MYRIP: variants seen among roughly 807,000 people sequenced by gnomAD.
The protein encoded by MYRIP is myosin VIIA and Rab interacting protein.
In MYRIP, 49 loss-of-function variants were observed where a neutral mutation model predicts 98.0. The ratio of observed to expected loss-of-function variants is 0.50; its 90% CI spans 0.40 to 0.63. The LOEUF is 0.63. MYRIP is among the 30% of genes least tolerant of loss of function. The pLI, the probability that MYRIP is intolerant of heterozygous loss-of-function variation, is 0.00. For synonymous variants in MYRIP, 404 were observed against 409.5 expected (o/e 0.99, Z 0.16); for missense variants, 1,004 against 1,058.2 (o/e 0.95, Z 0.71).
intron 4 of MYRIP, among the ~76,000 whole-genome samples, chr3:40,160,797 A>G (rs1950373148): frequency 6.6e-6 from 1 of 152,080 alleles, no homozygotes; most frequent in Non-Finnish European, 1.5e-5. Flanking sequence ...TTCTTTGACT[A>G]GGAAAGGGAA....
At chr3:40,030,576 T>A (rs540402048) in intron 2 of MYRIP, among the ~76,000 whole-genome samples, 1 of 152,256 alleles carries the variant, frequency 6.6e-6, no homozygotes, top group Admixed American at 6.5e-5. Flanking sequence ...AGAAACAATG[T>A]AAATGTTTAT....
intron 11 of MYRIP, among the ~76,000 whole-genome samples, chr3:40,230,005 C>A (rs1423341828): frequency 6.6e-6 from 1 of 152,168 alleles, no homozygotes; most frequent in Non-Finnish European, 1.5e-5. Flanking sequence ...ATTTGTATTT[C>A]TTTGCTCACT....
intron 1 of MYRIP, among the ~76,000 whole-genome samples, chr3:39,869,254 C>T (rs181942480): frequency 2.0e-5 from 3 of 152,266 alleles, no homozygotes; most frequent in Non-Finnish European, 2.9e-5. Context: ...ATTCTTTTCA[C>T]ATTCCTTTTT....
intron 4 of MYRIP, among the ~76,000 whole-genome samples, chr3:40,161,924 A>G (rs1056128964): frequency 2.6e-5 from 4 of 152,284 alleles, no homozygotes; most frequent in East Asian, 1.9e-4. Context: ...TGTGGTCACC[A>G]TGAACTGCAT....
At chr3:40,053,499 A>C (rs1465567605) in intron 3 of MYRIP, among the ~76,000 whole-genome samples, 4 of 152,218 alleles carry the variant, frequency 2.6e-5, no homozygotes, top group Admixed American at 1.3e-4. Flanking sequence ...AAATGTATCA[A>C]GAGGACTTGC....
intron 9 of MYRIP, among the ~76,000 whole-genome samples, chr3:40,184,674 G>C: frequency 6.6e-6 from 1 of 152,170 alleles, no homozygotes. Flanking sequence ...ACAACTACAA[G>C]ATGCTCTATT....
intron 2 of MYRIP, among the ~76,000 whole-genome samples, chr3:39,945,487 A>AAG (rs1944880349): frequency 7.6e-6 from 1 of 131,882 alleles, no homozygotes; most frequent in Non-Finnish European, 1.6e-5. Context: ...AAAAAAAAAA[A>AAG]AAAAGAAAAA....
intron 1 of MYRIP, among the ~76,000 whole-genome samples, chr3:39,867,638 CAA>C (rs1400851030): frequency 6.6e-6 from 1 of 152,052 alleles, no homozygotes; most frequent in African/African-American, 2.4e-5. Context: ...TATCAAGAAA[CAA>C]GAGATAACAA....
intron 3 of MYRIP, among the ~76,000 whole-genome samples, chr3:40,135,279 A>G (rs1949739444): frequency 1.3e-5 from 2 of 152,236 alleles, no homozygotes; most frequent in South Asian, 4.1e-4. Context: ...AAGAAAGGGT[A>G]TCAGTGATGG....
At chr3:39,824,580 ATATT>A (rs10576502) in intron 1 of MYRIP, among the ~76,000 whole-genome samples, 5,775 of 151,862 alleles carry the variant, frequency 0.038, 213 homozygotes, top group East Asian at 0.097. Context: ...CTCCTTGGTT[ATATT>A]TATTTCTAGG....
intron 8 of MYRIP, among the ~76,000 whole-genome samples, chr3:40,175,302 C>T (rs958291936): frequency 6.6e-6 from 1 of 152,136 alleles, no homozygotes; most frequent in Admixed American, 6.5e-5. Flanking sequence ...GAAACAGATA[C>T]TCATCTGTCC....
chr3:40,095,404 C>T (rs1948806939), intron 3 of MYRIP, among the ~76,000 whole-genome samples: 1 of 152,146 alleles, frequency 6.6e-6, no homozygotes, highest in African/African-American at 2.4e-5. Flanking sequence ...GTGACTGGCA[C>T]ATCCAGCTTA....
intron 3 of MYRIP, among the ~76,000 whole-genome samples, chr3:40,122,242 AAG>A (rs1457809685): frequency 5.3e-5 from 8 of 151,962 alleles, no homozygotes; most frequent in African/African-American, 1.9e-4. Flanking sequence ...GTAAATGAAA[AAG>A]AAATTGGACA....
chr3:40,073,112 T>A (rs1015789846), intron 3 of MYRIP, among the ~76,000 whole-genome samples: 1 of 152,146 alleles, frequency 6.6e-6, no homozygotes, highest in African/African-American at 2.4e-5. Flanking sequence ...GGTTACAAAT[T>A]GAAGGAGAAG....
intron 4 of MYRIP, among the ~76,000 whole-genome samples, chr3:40,154,811 AAC>A (rs1950188294): frequency 6.6e-6 from 1 of 152,110 alleles, no homozygotes; most frequent in African/African-American, 2.4e-5. Flanking sequence ...TGACATTTTT[AAC>A]AGTTATCCTA....
chr3:40,144,998 G>T (rs1463993053), intron 3 of MYRIP, among the ~76,000 whole-genome samples: 1 of 152,186 alleles, frequency 6.6e-6, no homozygotes, highest in Non-Finnish European at 1.5e-5. Flanking sequence ...GCTATTAAAA[G>T]AAATTATCAA....
intron 2 of MYRIP, among the ~76,000 whole-genome samples, chr3:40,031,169 T>C (rs936075900): frequency 6.6e-6 from 1 of 152,088 alleles, no homozygotes; most frequent in Non-Finnish European, 1.5e-5. Flanking sequence ...TCTGTCCGCT[T>C]CCTGGTTCAT....
chr3:40,167,223 C>G lies in MYRIP; in HGVS notation c.713C>G (p.Thr238Arg). The G allele has an allele frequency of 1.2e-6, 2 of 1,614,152 alleles. No homozygotes were observed. Among genetic ancestry groups the G allele is most frequent in the East Asian group, 2.2e-5 (1 of 44,886 alleles). ...HKEELTEELA[T>R]TILQKIIRKQ... ...GAGGAGCTAACTGAGGAACTGGCCA[C>G]GACAATCCTGCAGAAGGTAGGTGGG... The change falls in exon 7 of 17, where the codon ACG becomes AGG. Residue 238 changes from threonine to arginine, a missense_variant. By Grantham distance (71) the Thr-to-Arg change is moderately conservative. Transcript: ENST00000302541.
chr3:40,073,586 G>A (rs1289660537), intron 3 of MYRIP, among the ~76,000 whole-genome samples: 1 of 152,196 alleles, frequency 6.6e-6, no homozygotes, highest in African/African-American at 2.4e-5. Flanking sequence ...ACCATCCCTG[G>A]AAGGTTCTTT....
Sources: gnomAD v4.1 joint callset for allele counts (sites outside exome capture counted in the v4.1 genomes callset) on GRCh38, gnomAD v4.1.1 for gene constraint, MANE v1.5 for transcripts, NCBI Gene and HGNC (gene_info 2026-07-23, HGNC 2026-07-21) for gene names.